The following ZSWIM9 variants were observed in gnomAD, a reference collection of about 807,000 sequenced individuals.
ZSWIM9 encodes the protein zinc finger SWIM-type containing 9.
A neutral mutation model predicts 25.0 loss-of-function variants in ZSWIM9; 11 were observed. The observed-to-expected ratio is 0.44, with a 90% confidence interval of 0.28 to 0.73. The LOEUF is 0.73. Ranked by LOEUF, ZSWIM9 falls within the 30% of genes least tolerant of loss-of-function variation. The pLI is 0.16. For missense variants in ZSWIM9, 1,070 were observed against 1,296.5 expected, an observed-to-expected ratio of 0.83 and a Z score of 2.68; for synonymous variants, 562 against 582.1, an observed-to-expected ratio of 0.97 and a Z score of 0.50.
Position 48,197,390 on chromosome 19 carries a change from AGGGGG to A in ZSWIM9, c.*564_*568del. The A allele has an allele frequency of 1.6e-6, 1 of 643,250 alleles. No homozygotes were observed. Among genetic ancestry groups the A allele is most frequent in the Admixed American group, 2.4e-5 (1 of 40,830 alleles). The allele number at this position is 643,250 out of a possible 1,614,324, so 39.8% of individuals were successfully genotyped here. ...AGGAGAGGAAGGGACGGGATGTAGG[AGGGGG>A]AAGAAAAATCGGAGATGAGACAAAA... On this transcript the variant is annotated 3_prime_UTR_variant, in exon 4 of 4. Coordinates refer to ENST00000614654, the MANE Select transcript of ZSWIM9 (RefSeq NM_199341.4).
In ZSWIM9 at chr19:48,195,676, G is replaced by T; in HGVS notation, c.1612G>T (p.Gly538Trp). 1 of 1,442,766 alleles carries T rather than the reference G, an allele frequency of 6.9e-7. No homozygotes were observed. The highest frequency in any genetic ancestry group is 9.1e-7 in the Non-Finnish European group (1 of 1,104,762). The allele number at this position is 1,442,766 out of a possible 1,614,324, so 89.4% of individuals were successfully genotyped here. The change falls in exon 4 of 4, where the codon GGG becomes TGG. Residue 538 changes from glycine (G) to tryptophan (W), a missense_variant. Coordinates refer to ENST00000614654, the MANE Select transcript of ZSWIM9 (RefSeq NM_199341.4). The surrounding 1 kb of genome is among the most constrained non-coding windows in gnomAD (Gnocchi z 5.8). ...LENQKPRGLE[G>W]GVLRGSKLEK... ...GAATCAGAAGCCGAGGGGACTGGAA[G>T]GGGGTGTCTTGAGAGGGTCGAAGTT...
At chr19:48,174,340 C>T (rs1599921008) in intron 2 of ZSWIM9, among the ~76,000 whole-genome samples, 1 of 152,056 alleles carries the variant, frequency 6.6e-6, no homozygotes, top group East Asian at 1.9e-4. Context: ...CCTCATGGGG[C>T]CATTGTGAGG....
chr19:48,194,935 T>TCACCGCCAGACGTCAAGG lies in ZSWIM9; in HGVS notation c.871_872insCACCGCCAGACGTCAAGG (p.Cys291delinsSerProProAspValLysGly). The TCACCGCCAGACGTCAAGG allele has an allele frequency of 7.6e-7, 1 of 1,320,072 alleles. No homozygotes were observed. The allele number at this position is 1,320,072 out of a possible 1,614,324, so 81.8% of individuals were successfully genotyped here. A position where few individuals can be genotyped will look rare whatever the true frequency, so the allele number is the denominator to read the frequency against. On this transcript the variant is annotated protein_altering_variant, in exon 4 of 4. Coordinates refer to ENST00000614654, the MANE Select transcript of ZSWIM9 (RefSeq NM_199341.4). This position sits in a 1 kb window ranked among gnomAD's most constrained non-coding sequence, Gnocchi z 6.0. ...GCCAGACGTCAAGGGCCGCGTGCGC[T>TCACCGCCAGACGTCAAGG]GCCTCACCGCCGGGCCCGAGGTGGC...
At chr19:48,187,419 ATATAT>A (rs370504125) in intron 3 of ZSWIM9, among the ~76,000 whole-genome samples, 11,300 of 84,190 alleles carry the variant, frequency 0.13, 1,301 homozygotes, top group East Asian at 0.21. Context: ...TATTATAATT[ATATAT>A]TATATTATAT....
chr19:48,185,448 G>A (rs2123298503), intron 3 of ZSWIM9, among the ~76,000 whole-genome samples: 1 of 152,252 alleles, frequency 6.6e-6, no homozygotes, highest in African/African-American at 2.4e-5. Context: ...TAATGCTCTT[G>A]AAAGAAAGGA....
intron 3 of ZSWIM9, among the ~76,000 whole-genome samples, chr19:48,188,158 G>A (rs899499074): frequency 3.3e-5 from 5 of 151,954 alleles, no homozygotes; most frequent in South Asian, 4.1e-4. Context: ...AGAAGGATGC[G>A]CCCAAAGCCA....
In ZSWIM9 at chr19:48,191,086, A is replaced by ATGTGTGTGTGTG. The variant is rs1409972670; in HGVS notation, c.589-3562_589-3561insGTGTGTGTGTGT. 1.3e-4 allele frequency among the ~76,000 whole-genome samples: 18 copies of ATGTGTGTGTGTG among 142,648 alleles called. No homozygotes were observed. In the South Asian group the frequency reaches 1.5e-3, roughly 12 times the overall value. 93.6% of individuals were successfully genotyped at this position (142,648 alleles called of 152,430 possible). ...TGTTGTGTGAGAAAGTGCAGTGTGT[A>ATGTGTGTGTGTG]TGTGTATGTGTGTGTGTGTGTGTGT... On this transcript the variant is annotated intron_variant, in intron 3 of 3. Coordinates refer to ENST00000614654, the MANE Select transcript of ZSWIM9 (RefSeq NM_199341.4).
At chr19:48,187,979 G>GATAA in intron 3 of ZSWIM9, among the ~76,000 whole-genome samples, 1 of 151,598 alleles carries the variant, frequency 6.6e-6, no homozygotes, top group South Asian at 2.1e-4. Context: ...TAGATAGATA[G>GATAA]ATAGATAGAC....
intron 1 of ZSWIM9, 42 bp from the exon 2 acceptor site, chr19:48,171,752 G>C (rs780285406): frequency 1.3e-5 from 19 of 1,485,346 alleles, no homozygotes; most frequent in Non-Finnish European, 1.7e-5. Flanking sequence ...CCCCGGGTGG[G>C]AATGGGTCTG....
chr19:48,182,687 T>G lies in ZSWIM9; in HGVS notation c.508T>G (p.Tyr170Asp). 6.5e-7 allele frequency: 1 copy of G among 1,535,682 alleles called. No individual in the cohort carries two copies. Among genetic ancestry groups the G allele is most frequent in the Non-Finnish European group, 8.7e-7 (1 of 1,146,582 alleles). Residue 170 changes from tyrosine to aspartate, a missense_variant, in exon 3 of 4, where the codon TAC (tyrosine) becomes GAC (aspartate). By Grantham distance (160) the Tyr-to-Asp change is radical (BLOSUM62 -3). Around this residue, in one of 4 missense-constraint regions of ZSWIM9, gnomAD observed 265 missense variants for 339.0 expected, o/e 0.78. Transcript: ENST00000614654. This position sits in a 1 kb window ranked among gnomAD's most constrained non-coding sequence, Gnocchi z 4.6. ...APADVRRLLS[Y>D]CKGRDHGVLD... ...AGCCGACGTGCGCCGCCTGCTGTCC[T>G]ACTGCAAGGGCCGCGACCACGGCGT...
rs1459563095 is a variant in ZSWIM9, at chr19:48,196,555, G to A, written c.2491G>A (p.Gly831Arg). 4.9e-6 allele frequency: 6 copies of A among 1,232,450 alleles called. No homozygotes were observed. The highest frequency in any genetic ancestry group is 4.2e-5 in the Admixed American group (1 of 23,706). 76.3% of individuals were successfully genotyped at this position (1,232,450 alleles called of 1,614,324 possible). Reference protein sequence around the residue: ...EPLAKFRAACGPELADLVAEE... With the variant: ...EPLAKFRAACRPELADLVAEE... Reference sequence around the variant, plus strand: ...CCTGGCCAAATTCCGAGCAGCCTGCGGGCCAGAGCTGGCAGACCTGGTGGC... The same window carrying A: ...CCTGGCCAAATTCCGAGCAGCCTGCAGGCCAGAGCTGGCAGACCTGGTGGC... The change falls in exon 4 of 4, where the codon GGG becomes AGG. Residue 831 changes from glycine to arginine, a missense_variant. This residue lies in a region of ZSWIM9 where 583 missense variants were observed against 624.7 expected (regional missense o/e 0.93). Coordinates refer to ENST00000614654, the MANE Select transcript of ZSWIM9 (RefSeq NM_199341.4).
intron 2 of ZSWIM9, among the ~76,000 whole-genome samples, chr19:48,177,225 T>C (rs184026918): frequency 1.2e-3 from 189 of 152,050 alleles, no homozygotes; most frequent in African/African-American, 4.3e-3. Context: ...GGGAGAGGAA[T>C]GTTTTATGAA....
In ZSWIM9 at chr19:48,195,411, C is replaced by G. The variant is rs936038129; in HGVS notation, c.1347C>G (p.Gly449=). The change falls in exon 4 of 4, where the codon GGC becomes GGG. Residue 449 remains glycine (G), a synonymous_variant. Coordinates refer to ENST00000614654, the MANE Select transcript of ZSWIM9 (RefSeq NM_199341.4). The surrounding 1 kb of genome is among the most constrained non-coding windows in gnomAD (Gnocchi z 5.8). ...AGEAVPEGPD[G]GGPWLEDEPG... The stretch of plus-strand genomic sequence containing the variant: ...AGGCGGTGCCCGAGGGGCCCGATGG[C>G]GGGGGGCCTTGGCTGGAGGATGAGC... 9.6e-6 allele frequency: 14 copies of G among 1,460,520 alleles called. No homozygotes were observed. Among genetic ancestry groups the G allele is most frequent in the Non-Finnish European group, 1.3e-5 (14 of 1,115,976 alleles). 90.5% of individuals were successfully genotyped at this position (1,460,520 alleles called of 1,614,324 possible). A position where few individuals can be genotyped will look rare whatever the true frequency, so the allele number is the denominator to read the frequency against.
Position 48,182,869 on chromosome 19 carries a change from T to C in ZSWIM9, c.588+102T>C, listed in dbSNP as rs113034536. ...TTCATCCGCCCTCTCATCCCTTCACTCCTTTCCTCCATTCATCCGTTCATT... is the reference window on the plus strand; with the variant it reads ...TTCATCCGCCCTCTCATCCCTTCACCCCTTTCCTCCATTCATCCGTTCATT... On this transcript the variant is annotated intron_variant, in intron 3 of 3. Transcript: ENST00000614654. This position sits in a 1 kb window ranked among gnomAD's most constrained non-coding sequence, Gnocchi z 4.6. The C allele has an allele frequency of 1.5e-4, 126 of 816,082 alleles. 2 individuals are homozygous for C. The African/African-American group carries it at 1.7e-3, about 11-fold the overall frequency. The allele number at this position is 816,082 out of a possible 1,614,324, so 50.6% of individuals were successfully genotyped here. A position where few individuals can be genotyped will look rare whatever the true frequency, so the allele number is the denominator to read the frequency against.
In ZSWIM9 at chr19:48,177,014, G is replaced by T. The variant is rs191805652; in HGVS notation, c.275+4937G>T. Among the ~76,000 whole-genome samples, 54 of 152,174 alleles carry T rather than the reference G, an allele frequency of 3.5e-4. 1 individual carries two copies. The highest frequency in any genetic ancestry group is 8.5e-4 in the Admixed American group (13 of 15,280). On this transcript the variant is annotated intron_variant, in intron 2 of 3. Transcript: ENST00000614654. ...TGCTTGATCCTGGGAGGCGGAGGTT[G>T]CAGTGAGCCAAGATTGTGCCACTGG...
At position 48,182,434 on chromosome 19, in the gene ZSWIM9, C is replaced by A; in HGVS notation, c.276-21C>A. On this transcript the variant is annotated intron_variant, in intron 2 of 3. Coordinates refer to ENST00000614654, the MANE Select transcript of ZSWIM9 (RefSeq NM_199341.4). This position sits in a 1 kb window ranked among gnomAD's most constrained non-coding sequence, Gnocchi z 4.6. ...GGGCAGCAGAGTGATGTGACCAGGG[C>A]GGTGGTGGTTCCTCCCACAGGCCTC... 2 of 1,518,454 alleles carry A rather than the reference C, an allele frequency of 1.3e-6. No individual in the cohort carries two copies. The highest frequency in any genetic ancestry group is 1.2e-5 in the South Asian group (1 of 82,158). 94.1% of individuals were successfully genotyped at this position (1,518,454 alleles called of 1,614,324 possible). A position where few individuals can be genotyped will look rare whatever the true frequency, so the allele number is the denominator to read the frequency against.
At chr19:48,185,254 C>A (rs2036996857) in intron 3 of ZSWIM9, among the ~76,000 whole-genome samples, 1 of 151,966 alleles carries the variant, frequency 6.6e-6, no homozygotes, top group Non-Finnish European at 1.5e-5. Context: ...ATTCTCCTGC[C>A]TCAGCCTCCT....
chr19:48,197,263 AGAG>A lies in ZSWIM9; in HGVS notation c.*441_*443del. 1 of 702,230 alleles carries A rather than the reference AGAG, an allele frequency of 1.4e-6. No individual in the cohort carries two copies. Among genetic ancestry groups the A allele is most frequent in the Non-Finnish European group, 2.6e-6 (1 of 384,744 alleles). The allele number at this position is 702,230 out of a possible 1,614,324, so 43.5% of individuals were successfully genotyped here. ...AGAAAGTACAGAAGACAGATGAAGG[AGAG>A]GAGGTAAGCGAGAAAAAATGGAAAG... On this transcript the variant is annotated 3_prime_UTR_variant, in exon 4 of 4. Coordinates refer to ENST00000614654, the MANE Select transcript of ZSWIM9 (RefSeq NM_199341.4).
chr19:48,177,221 G>GGA (rs1276106160), intron 2 of ZSWIM9, among the ~76,000 whole-genome samples: 2 of 152,162 alleles, frequency 1.3e-5, no homozygotes, highest in African/African-American at 4.8e-5. Context: ...AAAAGGGAGA[G>GGA]GAATGTTTTA....
Sources: allele counts gnomAD v4.1 joint callset (sites outside exome capture counted in the v4.1 genomes callset), GRCh38; gene constraint gnomAD v4.1.1; regional missense constraint gnomAD v4.1.1; non-coding constraint Gnocchi (gnomAD v3.1); transcripts MANE v1.5; gene names NCBI Gene and HGNC (gene_info 2026-07-23, HGNC 2026-07-21).